MRPS33: variants seen among roughly 807,000 people sequenced by gnomAD.
MRPS33 encodes the protein small ribosomal subunit protein mS33.
In MRPS33, 11 loss-of-function variants were observed where a neutral mutation model predicts 11.2. The observed-to-expected ratio is 0.99, with a 90% CI of 0.62 to 1.63. The LOEUF (loss-of-function observed/expected upper bound fraction) is 1.63, where lower values mean the gene tolerates loss of function less well. MRPS33 is among the 40% of genes most tolerant of loss of function. The probability of loss-of-function intolerance (pLI) is 0.00; values close to 1 mark genes in which losing one functional copy is unlikely to be tolerated. For missense variants in MRPS33, 109 were observed against 127.8 expected (o/e 0.85, Z 0.71); for synonymous variants, 46 against 44.0 (o/e 1.05, Z -0.18).
Position 141,010,563 on chromosome 7 carries a change from C to T in MRPS33, c.71G>A (p.Arg24Lys). The T allele has an allele frequency of 1.9e-6, 3 of 1,614,198 alleles. No individual in the cohort carries two copies. The highest frequency in any genetic ancestry group is 2.5e-6 in the Non-Finnish European group (3 of 1,180,042). The change falls in exon 2 of 3, where the codon AGG (arginine) becomes AAG (lysine). Residue 24 changes from arginine (R) to lysine (K), a missense_variant. By Grantham distance (26) the Arg-to-Lys change is conservative. Coordinates refer to ENST00000324787, the MANE Select transcript of MRPS33 (RefSeq NM_053035.3). ...LSARLFGEVT[R>K]PTNSKSMKVV... ...TTTCATAGACTTGGAATTAGTAGGCCTGGTGACTTCACCAAATAGCCGGGC... is the reference window on the plus strand; with the variant it reads ...TTTCATAGACTTGGAATTAGTAGGCTTGGTGACTTCACCAAATAGCCGGGC...
intron 2 of MRPS33, among the ~76,000 whole-genome samples, chr7:141,007,766 C>T (rs945452202): frequency 9.2e-5 from 14 of 152,164 alleles, no homozygotes; most frequent in African/African-American, 3.1e-4. Flanking sequence ...AACTCCTCAA[C>T]GAGGCTGACC....
chr7:141,006,393 C>A lies in MRPS33; in HGVS notation c.*37G>T, dbSNP rs1369432305. The A allele has an allele frequency of 1.3e-6, 2 of 1,520,226 alleles. No homozygotes were observed. The highest frequency in any genetic ancestry group is 2.3e-5 in the South Asian group (2 of 88,058). The allele number at this position is 1,520,226 out of a possible 1,614,324, so 94.2% of individuals were successfully genotyped here. On this transcript the variant is annotated 3_prime_UTR_variant, in exon 3 of 3. Transcript: ENST00000324787. ...AATAAATGCACTTTCTTCTCTCCGC[C>A]ACTGAGGAAGAAAGTCTCCCTCTTG... is the stretch of plus-strand genomic sequence containing the variant.
rs1385413774 is a variant in MRPS33, at chr7:141,003,420, A to G, written c.*3010T>C. On this transcript the variant is annotated 3_prime_UTR_variant, in exon 3 of 3. Coordinates refer to ENST00000324787, the MANE Select transcript of MRPS33 (RefSeq NM_053035.3). ...TGTTTTGAGTCACACAGCTTGCTCT[A>G]TCAATTGAAGGTATAGCTTATGTAC... 6.6e-6 allele frequency: 1 copy of G among 152,224 alleles called. No homozygotes were observed. The highest frequency in any genetic ancestry group is 1.5e-5 in the Non-Finnish European group (1 of 68,048). 9.4% of individuals were successfully genotyped at this position (152,224 alleles called of 1,614,324 possible).
rs753602730 is a variant in MRPS33 at position 141,004,663 on chromosome 7, T to C, written c.*1767A>G. On this transcript the variant is annotated 3_prime_UTR_variant, in exon 3 of 3. Transcript: ENST00000324787. Reference sequence around the variant, plus strand: ...AATATGGTTAAGATCATTAATTTTATGTTTTTACTACAATAATAAAAAGTT... The same window carrying C: ...AATATGGTTAAGATCATTAATTTTACGTTTTTACTACAATAATAAAAAGTT... 1.9e-4 allele frequency: 29 copies of C among 152,248 alleles called. No homozygotes were observed. The highest frequency in any genetic ancestry group is 3.7e-4 in the Non-Finnish European group (25 of 68,042). The allele number at this position is 152,248 out of a possible 1,614,324, so 9.4% of individuals were successfully genotyped here.
chr7:141,009,396 C>T (rs1036995043), intron 2 of MRPS33, among the ~76,000 whole-genome samples: 5 of 151,610 alleles, frequency 3.3e-5, no homozygotes, highest in South Asian at 2.1e-4. Flanking sequence ...CCTCCCAAAG[C>T]ACTGGGATTA....
rs1395666752 is a variant in MRPS33 at position 141,002,935 on chromosome 7, GT to G, written c.*3494del. On this transcript the variant is annotated 3_prime_UTR_variant, in exon 3 of 3. Coordinates refer to ENST00000324787, the MANE Select transcript of MRPS33 (RefSeq NM_053035.3). ...GTCACATAATGTGCTATATGTAAAA[GT>G]TTTTAACTTTTTATAATTTACAGAG... 1 of 152,122 alleles carries G rather than the reference GT, an allele frequency of 6.6e-6. No individual in the cohort carries two copies. Among genetic ancestry groups the G allele is most frequent in the Non-Finnish European group, 1.5e-5 (1 of 68,058 alleles). 9.4% of individuals were successfully genotyped at this position (152,122 alleles called of 1,614,324 possible).
rs943897029 is a variant in MRPS33 at position 141,005,362 on chromosome 7, AT to A, written c.*1067del. On this transcript the variant is annotated 3_prime_UTR_variant, in exon 3 of 3. Coordinates refer to ENST00000324787, the MANE Select transcript of MRPS33 (RefSeq NM_053035.3). ...TTCTTCAAGGTTCAGCTTAAATATCATTTTTTTTTTGAGATGTAGTCTTGCT... is the reference window on the plus strand; with the variant it reads ...TTCTTCAAGGTTCAGCTTAAATATCATTTTTTTTTGAGATGTAGTCTTGCT... 8.0e-5 allele frequency: 12 copies of A among 149,282 alleles called. No homozygotes were observed. The highest frequency in any genetic ancestry group is 3.3e-4 in the Admixed American group (5 of 14,984). 9.2% of individuals were successfully genotyped at this position (149,282 alleles called of 1,614,324 possible). A position where few individuals can be genotyped will look rare whatever the true frequency, so the allele number is the denominator to read the frequency against.
chr7:141,014,277 C>G (rs921942508), intron 1 of MRPS33: 4 of 152,186 alleles, frequency 2.6e-5, no homozygotes, highest in African/African-American at 9.7e-5. Context: ...ATACAGTGTA[C>G]ACACGTTGTC....
rs767309930 is a variant in MRPS33, at chr7:141,006,534, C to G, written c.217G>C (p.Asp73His). ...TCATCCATAAAATCCTGATGCTCAT[C>G]TCTGAATGAAGAAGGAAAAAATAAT... ...QTLRFLGLYR[D>H]EHQDFMDEQK... Residue 73 changes from aspartate to histidine, a missense_variant and splice_region_variant, in exon 3 of 3, where the codon GAT becomes CAT. Asp to His is a moderately conservative substitution (Grantham distance 81). Coordinates refer to ENST00000324787, the MANE Select transcript of MRPS33 (RefSeq NM_053035.3). 1 of 1,612,680 alleles carries G rather than the reference C, an allele frequency of 6.2e-7. No individual in the cohort carries two copies. The highest frequency in any genetic ancestry group is 8.5e-7 in the Non-Finnish European group (1 of 1,179,370).
intron 1 of MRPS33, among the ~76,000 whole-genome samples, chr7:141,011,064 C>A (rs539867415): frequency 9.2e-5 from 14 of 152,342 alleles, no homozygotes; most frequent in Admixed American, 5.2e-4. Context: ...AATATGCTGA[C>A]TGCTTGCCAT....
intron 2 of MRPS33, among the ~76,000 whole-genome samples, chr7:141,008,614 T>C (rs768582254): frequency 2.0e-5 from 3 of 152,228 alleles, no homozygotes; most frequent in Non-Finnish European, 4.4e-5. Flanking sequence ...AATGTTGTGC[T>C]GTACTATTAA....
rs1344507728 is a variant in MRPS33, at chr7:141,003,813, T to G, written c.*2617A>C. 6.6e-6 allele frequency: 1 copy of G among 152,256 alleles called. No homozygotes were observed. Among genetic ancestry groups the G allele is most frequent in the African/African-American group, 2.4e-5 (1 of 41,468 alleles). 9.4% of individuals were successfully genotyped at this position (152,256 alleles called of 1,614,324 possible). On this transcript the variant is annotated 3_prime_UTR_variant, in exon 3 of 3. Transcript: ENST00000324787. ...TCAGCTCAACATCCTGGGGTAGTCATCCACCTACACCTGGCTCAGCTGCAT... is the reference window on the plus strand; with the variant it reads ...TCAGCTCAACATCCTGGGGTAGTCAGCCACCTACACCTGGCTCAGCTGCAT...
Position 141,005,327 on chromosome 7 carries a change from C to T in MRPS33, c.*1103G>A, listed in dbSNP as rs999176282. Reference sequence around the variant, plus strand: ...TTCTCACCATTTTCCTTTTGGCAACCTCTTATTTATTCTTCAAGGTTCAGC... The same window carrying T: ...TTCTCACCATTTTCCTTTTGGCAACTTCTTATTTATTCTTCAAGGTTCAGC... On this transcript the variant is annotated 3_prime_UTR_variant, in exon 3 of 3. Transcript: ENST00000324787. 6.6e-5 allele frequency: 10 copies of T among 152,174 alleles called. No individual in the cohort carries two copies. Among genetic ancestry groups the T allele is most frequent in the African/African-American group, 2.2e-4 (9 of 41,408 alleles). 9.4% of individuals were successfully genotyped at this position (152,174 alleles called of 1,614,324 possible).
chr7:141,007,150 A>G (rs556593783), intron 2 of MRPS33, among the ~76,000 whole-genome samples: 6 of 152,306 alleles, frequency 3.9e-5, no homozygotes, highest in Non-Finnish European at 7.4e-5. Context: ...ATATTATAAA[A>G]AAAAGTCCAC....
chr7:141,008,463 T>C (rs1820588693), intron 2 of MRPS33, among the ~76,000 whole-genome samples: 1 of 152,186 alleles, frequency 6.6e-6, no homozygotes. Context: ...ATGTCATAGA[T>C]TGTAACCTCT....
In MRPS33 at chr7:141,005,277, A is replaced by T. The variant is rs1173132838; in HGVS notation, c.*1153T>A. 4.6e-5 allele frequency: 7 copies of T among 152,180 alleles called. No homozygotes were observed. The highest frequency in any genetic ancestry group is 1.7e-4 in the African/African-American group (7 of 41,440). 9.4% of individuals were successfully genotyped at this position (152,180 alleles called of 1,614,324 possible). The stretch of plus-strand genomic sequence containing the variant: ...TTCTTCATACCTTAGGGCTTTGCAA[A>T]TAGTACTCTCTGCCTCAAACCCCTT... On this transcript the variant is annotated 3_prime_UTR_variant, in exon 3 of 3. Transcript: ENST00000324787.
At position 141,010,513 on chromosome 7, in the gene MRPS33, G is replaced by A. The variant is rs759437033; in HGVS notation, c.121C>T (p.Pro41Ser). The A allele has an allele frequency of 5.6e-6, 9 of 1,614,146 alleles. No individual in the cohort carries two copies. The East Asian group carries it at 1.6e-4, about 28-fold the overall frequency. The change falls in exon 2 of 3, where the codon CCC becomes TCC. Residue 41 changes from proline (P) to serine (S), a missense_variant. Transcript: ENST00000324787. ...TAAGTCTCCTTCTTCTTGGCCAAGGGCAGTTCACTAAACAGTTTCACCACT... is the reference window on the plus strand; with the variant it reads ...TAAGTCTCCTTCTTCTTGGCCAAGGACAGTTCACTAAACAGTTTCACCACT... Reference protein sequence around the residue: ...MKVVKLFSELPLAKKKETYDW... With the variant: ...MKVVKLFSELSLAKKKETYDW...
In MRPS33 at chr7:141,010,451, G is replaced by A. The variant is rs763691829; in HGVS notation, c.183C>T (p.Leu61=). ...WYPNHHTYAE[L]MQTLRFLGLY... ...GTCCAAGAAATCGGAGCGTCTGCATGAGTTCAGCGTAAGTGTGGTGATTTG... is the reference window on the plus strand; with the variant it reads ...GTCCAAGAAATCGGAGCGTCTGCATAAGTTCAGCGTAAGTGTGGTGATTTG... The change falls in exon 2 of 3, where the codon CTC becomes CTT. Residue 61 remains leucine (L), a synonymous_variant. Coordinates refer to ENST00000324787, the MANE Select transcript of MRPS33 (RefSeq NM_053035.3). The A allele has an allele frequency of 3.7e-6, 6 of 1,614,150 alleles. No homozygotes were observed. In the South Asian group the frequency reaches 5.5e-5, roughly 15 times the overall value.
chr7:141,010,661 C>T lies in MRPS33; in HGVS notation c.-27-1G>A, dbSNP rs755354851. On this transcript the variant is annotated splice_acceptor_variant, in intron 1 of 2. Transcript: ENST00000324787. LOFTEE classifies it low-confidence loss of function (5UTR_SPLICE). Reference sequence around the variant, plus strand: ...CTTGAGTGGCAAGGAGTTAGAGTTCCTATTGAAAATGAGAAGAAAGTTAAA... The same window carrying T: ...CTTGAGTGGCAAGGAGTTAGAGTTCTTATTGAAAATGAGAAGAAAGTTAAA... 3.1e-6 allele frequency: 5 copies of T among 1,596,584 alleles called. No individual in the cohort carries two copies. The South Asian group carries it at 5.5e-5, about 18-fold the overall frequency.
Sources: allele counts gnomAD v4.1 joint callset (sites outside exome capture counted in the v4.1 genomes callset), GRCh38; gene constraint gnomAD v4.1.1; transcripts MANE v1.5; gene names NCBI Gene and HGNC (gene_info 2026-07-23, HGNC 2026-07-21).